RAB28: variants seen among roughly 807,000 people sequenced by gnomAD.
RAB28 encodes the protein ras-related protein Rab-28.
Under a neutral mutation model 31.7 loss-of-function variants are expected in RAB28, and 24 were observed. The observed-to-expected ratio is 0.76, with a 90% confidence interval of 0.55 to 1.06. The LOEUF (loss-of-function observed/expected upper bound fraction) is 1.06. RAB28 is among the 50% of genes least tolerant of loss of function. The pLI is 0.00. For missense variants in RAB28, 254 were observed against 258.5 expected (o/e 0.98, Z 0.12); for synonymous variants, 100 against 90.4 (o/e 1.11, Z -0.60).
At chr4:13,472,517 T>C (rs932201191) in intron 3 of RAB28, among the ~76,000 whole-genome samples, 1 of 151,786 alleles carries the variant, frequency 6.6e-6, no homozygotes, top group Non-Finnish European at 1.5e-5. Flanking sequence ...TTAATTGAAT[T>C]ATATATTATT....
rs1716769409 is a variant in RAB28 at position 13,484,288 on chromosome 4, T to C, written c.-138A>G. The C allele has an allele frequency of 5.9e-6, 4 of 674,440 alleles. No individual in the cohort carries two copies. The highest frequency in any genetic ancestry group is 8.1e-6 in the Non-Finnish European group (3 of 371,074). 41.8% of individuals were successfully genotyped at this position (674,440 alleles called of 1,614,324 possible). ...GGTGTCTCCGCGCCGGCAGGAGGTATTCGAGGAGAATCACTCGGCAAGCGC... is the reference window on the plus strand; with the variant it reads ...GGTGTCTCCGCGCCGGCAGGAGGTACTCGAGGAGAATCACTCGGCAAGCGC... On this transcript the variant is annotated 5_prime_UTR_variant, in exon 1 of 7. Transcript: ENST00000330852.
Position 13,367,782 on chromosome 4 carries a change from C to G in RAB28, c.*776G>C. On this transcript the variant is annotated 3_prime_UTR_variant, in exon 7 of 7. Transcript: ENST00000330852. ...ATCTGAACATCAGGTACAGTCTGAT[C>G]CACAATGTCATAACTCATTCTCGGG... 1 of 985,048 alleles carries G rather than the reference C, an allele frequency of 1.0e-6. No homozygotes were observed. The highest frequency in any genetic ancestry group is 1.2e-6 in the Non-Finnish European group (1 of 829,686). The allele number at this position is 985,048 out of a possible 1,614,324, so 61.0% of individuals were successfully genotyped here.
chr4:13,412,622 A>G (rs2108910905), intron 4 of RAB28, among the ~76,000 whole-genome samples: 1 of 152,176 alleles, frequency 6.6e-6, no homozygotes, highest in African/African-American at 2.4e-5. Context: ...ACCTCACTAA[A>G]AAGTGAAGAA....
At chr4:13,406,973 C>A (rs1176366185) in intron 4 of RAB28, among the ~76,000 whole-genome samples, 4 of 152,108 alleles carry the variant, frequency 2.6e-5, no homozygotes, top group South Asian at 2.1e-4. Context: ...ATGATAGTTT[C>A]TTTTGCTGTG....
chr4:13,385,672 A>C (rs1031008028), intron 4 of RAB28, among the ~76,000 whole-genome samples: 7 of 152,190 alleles, frequency 4.6e-5, no homozygotes, highest in Non-Finnish European at 1.0e-4. Context: ...AAGAGCTCCT[A>C]AAGGAAGCAG....
rs923194489 is a variant in RAB28, at chr4:13,484,285, G to A, written c.-135C>T. On this transcript the variant is annotated 5_prime_UTR_variant, in exon 1 of 7. Coordinates refer to ENST00000330852, the MANE Select transcript of RAB28 (RefSeq NM_001017979.3). ...CCCGGTGTCTCCGCGCCGGCAGGAG[G>A]TATTCGAGGAGAATCACTCGGCAAG... is the stretch of plus-strand genomic sequence containing the variant. The A allele has an allele frequency of 4.4e-6, 3 of 683,432 alleles. No homozygotes were observed. The highest frequency in any genetic ancestry group is 3.5e-5 in the African/African-American group (2 of 56,360). The allele number at this position is 683,432 out of a possible 1,614,324, so 42.3% of individuals were successfully genotyped here. A position where few individuals can be genotyped will look rare whatever the true frequency, so the allele number is the denominator to read the frequency against.
At chr4:13,462,419 G>A (rs1326994545) in intron 3 of RAB28, among the ~76,000 whole-genome samples, 2 of 152,060 alleles carry the variant, frequency 1.3e-5, no homozygotes, top group African/African-American at 2.4e-5. Context: ...ATAGAGATTA[G>A]GCATATAATA....
intron 4 of RAB28, among the ~76,000 whole-genome samples, chr4:13,424,792 T>C (rs1310733875): frequency 6.6e-6 from 1 of 152,222 alleles, no homozygotes. Context: ...TTCTTCTCAA[T>C]TACTTAATGA....
intron 4 of RAB28, among the ~76,000 whole-genome samples, chr4:13,388,006 C>T (rs756500900): frequency 6.6e-6 from 1 of 151,922 alleles, no homozygotes; most frequent in African/African-American, 2.4e-5. Context: ...TATTTTGTAA[C>T]CCAGTGTCAA....
chr4:13,471,602 C>T (rs1716125654), intron 3 of RAB28, among the ~76,000 whole-genome samples: 2 of 151,906 alleles, frequency 1.3e-5, no homozygotes. Context: ...CCTGGACTCA[C>T]GTGATCCTCC....
intron 3 of RAB28, among the ~76,000 whole-genome samples, chr4:13,470,365 C>T (rs138496526): frequency 2.6e-5 from 4 of 152,140 alleles, no homozygotes; most frequent in East Asian, 1.9e-4. Flanking sequence ...AAAAAACTTA[C>T]AGTAAAAGAG....
intron 4 of RAB28, among the ~76,000 whole-genome samples, chr4:13,433,137 A>AG (rs1386778042): frequency 6.6e-6 from 1 of 151,546 alleles, no homozygotes; most frequent in African/African-American, 2.4e-5. Context: ...TGCAAATGAA[A>AG]GAAAAAAAAA....
rs138290066 is a variant in RAB28, at chr4:13,374,690, C to T, written c.573+1855G>A. Among the ~76,000 whole-genome samples the T allele has an allele frequency of 4.5e-4, 69 of 152,240 alleles. 1 individual carries two copies. The highest frequency in any genetic ancestry group is 7.8e-4 in the Non-Finnish European group (53 of 68,002). ...AGCCCTATTGGTTCTTCTTTAAAAT[C>T]TCCCTTACATCCATCCAACCTTTCC... On this transcript the variant is annotated intron_variant, in intron 6 of 6. Transcript: ENST00000330852.
At chr4:13,415,506 C>A (rs1379481095) in intron 4 of RAB28, among the ~76,000 whole-genome samples, 1 of 152,188 alleles carries the variant, frequency 6.6e-6, no homozygotes, top group East Asian at 1.9e-4. Context: ...GCCAGCCCTG[C>A]CGGCCCGGGC....
chr4:13,387,741 C>T (rs1729440493), intron 4 of RAB28, among the ~76,000 whole-genome samples: 1 of 151,922 alleles, frequency 6.6e-6, no homozygotes, highest in Admixed American at 6.6e-5. Context: ...ATGATTGATT[C>T]TTCAATTTCA....
At chr4:13,431,852 G>C (rs1241496144) in intron 4 of RAB28, among the ~76,000 whole-genome samples, 1 of 152,046 alleles carries the variant, frequency 6.6e-6, no homozygotes, top group East Asian at 1.9e-4. Context: ...CAGATGAGAA[G>C]GAATCAGCAG....
intron 4 of RAB28, among the ~76,000 whole-genome samples, chr4:13,434,461 A>G (rs1713981215): frequency 6.6e-6 from 1 of 152,202 alleles, no homozygotes; most frequent in Non-Finnish European, 1.5e-5. Context: ...AAAGTGACAG[A>G]AAACTATACA....
At chr4:13,370,989 T>A in intron 6 of RAB28, 1 of 983,444 alleles carries the variant, frequency 1.0e-6, no homozygotes, top group Non-Finnish European at 1.2e-6. Flanking sequence ...TCGCTATCCA[T>A]GTGATTGCAA....
At chr4:13,474,440 T>C (rs1376705757) in intron 2 of RAB28, 34 bp from the exon 3 acceptor site, 2 of 1,292,088 alleles carry the variant, frequency 1.5e-6, no homozygotes, top group Non-Finnish European at 1.1e-6. Flanking sequence ...AAAATAAGAA[T>C]ACCAAAAAAA....
Sources: allele counts gnomAD v4.1 joint callset (sites outside exome capture counted in the v4.1 genomes callset), GRCh38; gene constraint gnomAD v4.1.1; transcripts MANE v1.5; gene names NCBI Gene and HGNC (gene_info 2026-07-23, HGNC 2026-07-21).